RASA3: variants seen among roughly 807,000 people sequenced by gnomAD.
RASA3 encodes ras GTPase-activating protein 3.
In RASA3, 73 loss-of-function variants were observed where a neutral mutation model predicts 110.0. The observed-to-expected ratio is 0.66, with a 90% confidence interval of 0.55 to 0.81. RASA3 has a LOEUF of 0.81. RASA3 is among the 30% of genes least tolerant of loss of function. The pLI is 0.00. For synonymous variants in RASA3, 500 were observed against 451.4 expected, an observed-to-expected ratio of 1.11 and a Z score of -1.37; for missense variants, 976 against 1,113.2, an observed-to-expected ratio of 0.88 and a Z score of 1.75.
intron 1 of RASA3, among the ~76,000 whole-genome samples, chr13:114,105,721 C>A (rs2080124735): frequency 6.6e-6 from 1 of 152,234 alleles, no homozygotes; most frequent in South Asian, 2.1e-4. Flanking sequence ...AGGCCAGGCT[C>A]TGAGCAGCCC....
chr13:113,995,048 G>T (rs1483259130), intron 21 of RASA3, among the ~76,000 whole-genome samples: 2 of 152,240 alleles, frequency 1.3e-5, no homozygotes, highest in African/African-American at 4.8e-5. Context: ...GATAGGGGAG[G>T]CTCCCGAGCT....
chr13:114,081,173 C>G (rs1420359489), intron 1 of RASA3, among the ~76,000 whole-genome samples: 1 of 145,002 alleles, frequency 6.9e-6, no homozygotes, highest in African/African-American at 2.7e-5. Flanking sequence ...GCAAATGACC[C>G]TCCTCTCGTG....
chr13:114,126,931 C>T (rs566763071), intron 1 of RASA3, among the ~76,000 whole-genome samples: 30 of 151,938 alleles, frequency 2.0e-4, no homozygotes, highest in Admixed American at 1.6e-3. Flanking sequence ...GCTACGTCCA[C>T]GTCTCCCCCG....
At chr13:113,981,905 G>C in intron 22 of RASA3, 47 bp from the exon 23 acceptor site, 1 of 1,565,014 alleles carries the variant, frequency 6.4e-7, no homozygotes, top group South Asian at 1.2e-5. Context: ...CCAGGCCACC[G>C]GCCCCGTCTC....
chr13:114,078,149 C>T (rs76202501), intron 1 of RASA3, among the ~76,000 whole-genome samples: 9,146 of 152,270 alleles, frequency 0.06, 643 homozygotes, highest in African/African-American at 0.14. Flanking sequence ...GGGGCCTCGC[C>T]GTGTGTGCCA....
In RASA3 at chr13:114,115,628, C is replaced by T. The variant is rs906530986; in HGVS notation, c.55+16807G>A. On this transcript the variant is annotated intron_variant, in intron 1 of 23. Coordinates refer to ENST00000334062, the MANE Select transcript of RASA3 (RefSeq NM_007368.4). This position sits in a 1 kb window ranked among gnomAD's most constrained non-coding sequence, Gnocchi z 5.0. ...TCGTGTCCCCCTCGCTGTCGCCTGC[C>T]GATTTGGTGGCTCCTCTCATAACAC... is the stretch of plus-strand genomic sequence containing the variant. Among the ~76,000 whole-genome samples, 2 of 152,130 alleles carry T rather than the reference C, an allele frequency of 1.3e-5. No homozygotes were observed. Among genetic ancestry groups the T allele is most frequent in the African/African-American group, 2.4e-5 (1 of 41,418 alleles).
chr13:114,055,747 C>G (rs1449085946), intron 2 of RASA3, among the ~76,000 whole-genome samples: 1 of 152,168 alleles, frequency 6.6e-6, no homozygotes, highest in Non-Finnish European at 1.5e-5. Context: ...CGTTCGCTCC[C>G]GGCAGAGCCC....
At chr13:114,015,562 C>A (rs956127933) in intron 13 of RASA3, among the ~76,000 whole-genome samples, 3 of 152,268 alleles carry the variant, frequency 2.0e-5, no homozygotes, top group African/African-American at 7.2e-5. Context: ...CCCGGCTCGG[C>A]CCCGACCTCG....
chr13:114,014,682 G>A lies in RASA3; in HGVS notation c.1405+527C>T, dbSNP rs889980147. On this transcript the variant is annotated intron_variant, in intron 14 of 23. Coordinates refer to ENST00000334062, the MANE Select transcript of RASA3 (RefSeq NM_007368.4). This position sits in a 1 kb window ranked among gnomAD's most constrained non-coding sequence, Gnocchi z 4.5. ...TGGGTGCTGGATGCCCAGGTCCCTAGGGGATCTCCGGCTTGGGGGTTTGAA... is the reference window on the plus strand; with the variant it reads ...TGGGTGCTGGATGCCCAGGTCCCTAAGGGATCTCCGGCTTGGGGGTTTGAA... Among the ~76,000 whole-genome samples the A allele has an allele frequency of 4.6e-5, 7 of 152,124 alleles. No homozygotes were observed. The highest frequency in any genetic ancestry group is 1.7e-4 in the African/African-American group (7 of 41,428).
intron 14 of RASA3, among the ~76,000 whole-genome samples, chr13:114,013,730 G>C (rs556164978): frequency 8.7e-5 from 3 of 34,398 alleles, no homozygotes; most frequent in Non-Finnish European, 9.8e-5. Flanking sequence ...CTCTCCGTCC[G>C]TCTGTCTCTG....
rs1325241565 is a variant in RASA3 at position 114,073,830 on chromosome 13, G to A, written c.63C>T (p.Ala21=). ...GCCCCGGGTAAGAGGGAAGGTTTTT[G>A]GCTTCACCTAAAAAGTAAAAGCGAC... ...FQSVKIKIGE[A]KNLPSYPGPS... The change falls in exon 2 of 24, where the codon GCC becomes GCT. Residue 21 remains alanine (A), a synonymous_variant. Coordinates refer to ENST00000334062, the MANE Select transcript of RASA3 (RefSeq NM_007368.4). 3 of 1,613,902 alleles carry A rather than the reference G, an allele frequency of 1.9e-6. No homozygotes were observed. Among genetic ancestry groups the A allele is most frequent in the Non-Finnish European group, 2.5e-6 (3 of 1,179,790 alleles).
At chr13:113,995,963 G>A (rs1407050378) in intron 21 of RASA3, among the ~76,000 whole-genome samples, 1 of 68,806 alleles carries the variant, frequency 1.5e-5, no homozygotes, top group Non-Finnish European at 2.7e-5. Context: ...GGGCCCGGCT[G>A]ATGGGGGACC....
rs1566450492 is a variant in RASA3 at position 113,993,827 on chromosome 13, A to AAAAAAG, written c.2142-1240_2142-1239insCTTTTT. ...TGCCTAAAAAAAAAAAAAAAAAAAA[A>AAAAAAG]AAAAGAAAAGAAAAGAAAATCTACA... On this transcript the variant is annotated intron_variant, in intron 21 of 23. Coordinates refer to ENST00000334062, the MANE Select transcript of RASA3 (RefSeq NM_007368.4). Among the ~76,000 whole-genome samples, 4 of 125,672 alleles carry AAAAAAG rather than the reference A, an allele frequency of 3.2e-5. No homozygotes were observed. The East Asian group carries it at 7.5e-4, about 24-fold the overall frequency. The allele number at this position is 125,672 out of a possible 152,430, so 82.4% of individuals were successfully genotyped here. A position where few individuals can be genotyped will look rare whatever the true frequency, so the allele number is the denominator to read the frequency against.
chr13:114,004,384 TA>T (rs1336196157), intron 18 of RASA3, among the ~76,000 whole-genome samples: 50 of 151,128 alleles, frequency 3.3e-4, no homozygotes, highest in African/African-American at 1.1e-3. Context: ...AAATAAAAAT[TA>T]AAAAAAAATT....
intron 22 of RASA3, among the ~76,000 whole-genome samples, chr13:113,982,909 G>C (rs569992913): frequency 6.6e-6 from 1 of 152,204 alleles, no homozygotes. Context: ...TGCTACGCCC[G>C]GATCTCAAGC....
chr13:114,020,557 C>T (rs1176169737), intron 9 of RASA3, among the ~76,000 whole-genome samples: 2 of 152,208 alleles, frequency 1.3e-5, no homozygotes, highest in African/African-American at 2.4e-5. Flanking sequence ...TGCGAGGCCC[C>T]GGCACACAGT....
At chr13:114,015,546 C>T (rs1286679551) in intron 13 of RASA3, among the ~76,000 whole-genome samples, 1 of 152,254 alleles carries the variant, frequency 6.6e-6, no homozygotes, top group Non-Finnish European at 1.5e-5. Context: ...GGCACCACGT[C>T]GGCTCCCCGG....
At chr13:113,989,000 C>CTT (rs2053035534) in intron 22 of RASA3, among the ~76,000 whole-genome samples, 8 of 130,944 alleles carry the variant, frequency 6.1e-5, no homozygotes, top group East Asian at 5.3e-4. Flanking sequence ...CACCCATCGG[C>CTT]CCATCCACCC....
chr13:114,034,443 C>T (rs1267774699), intron 4 of RASA3, among the ~76,000 whole-genome samples: 3 of 152,074 alleles, frequency 2.0e-5, no homozygotes, highest in Non-Finnish European at 4.4e-5. Flanking sequence ...CCCCTGGCAG[C>T]AGGCTGTGCG....
Sources: allele counts gnomAD v4.1 joint callset (sites outside exome capture counted in the v4.1 genomes callset), GRCh38; gene constraint gnomAD v4.1.1; non-coding constraint Gnocchi (gnomAD v3.1); transcripts MANE v1.5; gene names NCBI Gene and HGNC (gene_info 2026-07-23, HGNC 2026-07-21).